Variants in MALRD1 observed in about 807,000 individuals in gnomAD.
The protein encoded by MALRD1 is MAM and LDL receptor class A domain containing 1, also known as MAM and LDL-receptor class A domain-containing protein 1.
MALRD1 carries 247 observed loss-of-function variants against 242.1 expected under a neutral mutation model. The ratio of observed to expected loss-of-function variants is 1.02; its 90% CI spans 0.92 to 1.13. The LOEUF (loss-of-function observed/expected upper bound fraction) is 1.13, where lower values mean the gene tolerates loss of function less well. MALRD1 is among the 50% of genes most tolerant of loss of function. MALRD1 has a pLI of 0.00. For synonymous variants in MALRD1, 995 were observed against 866.6 expected (o/e 1.15, Z -2.60); for missense variants, 2,989 against 2,533.1 (o/e 1.18, Z -3.86).
At chr10:19,107,511 C>CT (rs1380176889) in intron 5 of MALRD1, among the ~76,000 whole-genome samples, 1 of 147,076 alleles carries the variant, frequency 6.8e-6, no homozygotes, top group East Asian at 2.0e-4. Flanking sequence ...GTTTCTCAGT[C>CT]TATGGGTATT....
chr10:19,166,406 GGTTACTAGA>G (rs1247243712), intron 13 of MALRD1, among the ~76,000 whole-genome samples: 1 of 152,162 alleles, frequency 6.6e-6, no homozygotes, highest in Non-Finnish European at 1.5e-5. Flanking sequence ...GGAGAATGGT[GGTTACTAGA>G]GGCTGAGAAA....
chr10:19,513,688 G>C (rs537289696), intron 31 of MALRD1, among the ~76,000 whole-genome samples: 110 of 151,970 alleles, frequency 7.2e-4, no homozygotes, highest in African/African-American at 2.5e-3. Flanking sequence ...GCAGTGAGCT[G>C]AGATTGGGCC....
intron 14 of MALRD1, among the ~76,000 whole-genome samples, chr10:19,201,906 C>T (rs1358934343): frequency 6.6e-6 from 1 of 152,114 alleles, no homozygotes; most frequent in African/African-American, 2.4e-5. Context: ...ACCTCAGCCT[C>T]CCAGATTCAA....
At chr10:19,117,618 A>G (rs144387870) in intron 5 of MALRD1, among the ~76,000 whole-genome samples, 99 of 152,308 alleles carry the variant, frequency 6.5e-4, no homozygotes, top group African/African-American at 2.3e-3. Flanking sequence ...TTATTGTGCA[A>G]TCTTAGCTTC....
At chr10:19,358,237 T>TGTGTGTGTGTGTGTGTG (rs1554839083) in intron 26 of MALRD1, among the ~76,000 whole-genome samples, 1 of 150,998 alleles carries the variant, frequency 6.6e-6, no homozygotes, top group South Asian at 2.1e-4. Context: ...TGTGTATGAG[T>TGTGTGTGTGTGTGTGTG]TTAATCACCA....
chr10:19,572,073 T>C (rs1041236340), intron 33 of MALRD1, among the ~76,000 whole-genome samples: 1 of 152,198 alleles, frequency 6.6e-6, no homozygotes, highest in African/African-American at 2.4e-5. Flanking sequence ...TTTCTTTCCA[T>C]GTAGAAGATT....
intron 36 of MALRD1, among the ~76,000 whole-genome samples, chr10:19,687,179 G>A (rs1015670468): frequency 6.6e-6 from 1 of 151,982 alleles, no homozygotes; most frequent in Admixed American, 6.6e-5. Context: ...TTAGACTGAT[G>A]TGTCTTAGTA....
chr10:19,440,324 T>C (rs1045828785), intron 28 of MALRD1, among the ~76,000 whole-genome samples: 2 of 152,146 alleles, frequency 1.3e-5, no homozygotes, highest in African/African-American at 4.8e-5. Context: ...TGAGGGTTTT[T>C]ATCTATAGCT....
intron 36 of MALRD1, among the ~76,000 whole-genome samples, chr10:19,687,335 A>G (rs1246416071): frequency 2.6e-5 from 4 of 152,182 alleles, no homozygotes; most frequent in Non-Finnish European, 5.9e-5. Context: ...GTAATTGTCA[A>G]GCTCATAAGG....
chr10:19,608,571 T>C (rs1838743233), intron 35 of MALRD1, among the ~76,000 whole-genome samples: 1 of 152,034 alleles, frequency 6.6e-6, no homozygotes, highest in Non-Finnish European at 1.5e-5. Flanking sequence ...TATAATTTTG[T>C]CCTAACTAAA....
chr10:19,623,447 T>C (rs1839497029), intron 36 of MALRD1, among the ~76,000 whole-genome samples: 1 of 152,118 alleles, frequency 6.6e-6, no homozygotes, highest in South Asian at 2.1e-4. Context: ...AGATTTATGA[T>C]GAGAATTGGT....
intron 32 of MALRD1, among the ~76,000 whole-genome samples, chr10:19,562,219 C>T (rs966063769): frequency 1.3e-5 from 2 of 152,012 alleles, no homozygotes; most frequent in African/African-American, 2.4e-5. Flanking sequence ...TGCTTGAACC[C>T]AGAAGGCGGA....
At chr10:19,168,649 T>C (rs1834798304) in intron 13 of MALRD1, among the ~76,000 whole-genome samples, 1 of 152,214 alleles carries the variant, frequency 6.6e-6, no homozygotes, top group Admixed American at 6.5e-5. Context: ...CTATCCCTTA[T>C]TATCTGGGGG....
At chr10:19,450,578 G>C (rs1564352610) in intron 29 of MALRD1, 88 bp downstream of exon 29, 2 of 1,177,278 alleles carry the variant, frequency 1.7e-6, no homozygotes, top group African/African-American at 3.1e-5. Context: ...ATGCTTTACT[G>C]TTATGTATTT....
chr10:19,521,871 G>A (rs909786073), intron 31 of MALRD1, among the ~76,000 whole-genome samples: 2 of 152,006 alleles, frequency 1.3e-5, no homozygotes, highest in Non-Finnish European at 1.5e-5. Flanking sequence ...CATGACTCTA[G>A]TATCTCTGTT....
chr10:19,309,624 G>T lies in MALRD1; in HGVS notation c.3420-14325G>T, dbSNP rs187056910. 1.4e-3 allele frequency among the ~76,000 whole-genome samples: 207 copies of T among 151,652 alleles called. 3 individuals carry two copies. Among genetic ancestry groups the T allele is most frequent in the Middle Eastern group, 3.4e-3 (1 of 294 alleles). ...GAACAGGTGAAAAGGTGGTGTTGGT[G>T]TTTAATACTGAGAAATGTATGGCAT... is the stretch of plus-strand genomic sequence containing the variant. On this transcript the variant is annotated intron_variant, in intron 21 of 39. Transcript: ENST00000454679.
intron 26 of MALRD1, among the ~76,000 whole-genome samples, chr10:19,371,708 A>C (rs1453801482): frequency 2.0e-5 from 3 of 152,216 alleles, no homozygotes; most frequent in Non-Finnish European, 4.4e-5. Context: ...TTGTCTTTTT[A>C]AAGTTTGTTG....
chr10:19,617,630 A>G (rs1839221059), intron 36 of MALRD1, among the ~76,000 whole-genome samples: 1 of 152,014 alleles, frequency 6.6e-6, no homozygotes, highest in South Asian at 2.1e-4. Context: ...TCAGGCAAAA[A>G]GTAGAACTCT....
chr10:19,338,365 T>G (rs1040372094), intron 24 of MALRD1, among the ~76,000 whole-genome samples: 10 of 152,070 alleles, frequency 6.6e-5, no homozygotes, highest in Admixed American at 5.2e-4. Flanking sequence ...CAACTGATTT[T>G]GATCCTGTCT....
Sources: allele counts gnomAD v4.1 joint callset (sites outside exome capture counted in the v4.1 genomes callset), GRCh38; gene constraint gnomAD v4.1.1; transcripts MANE v1.5; gene names NCBI Gene and HGNC (gene_info 2026-07-23, HGNC 2026-07-21).